Variants in ENTREP1 observed in about 807,000 individuals in gnomAD.
The protein encoded by ENTREP1 is endosomal transmembrane epsin interactor 1.
chr9:69,329,627 A>G, the ENTREP1 span: 1 of 984,966 alleles, frequency 1.0e-6, no homozygotes, highest in Non-Finnish European at 1.2e-6. Context: ...ATCACTCAAT[A>G]TATTATTATT....
the ENTREP1 span, chr9:69,377,377 T>C: frequency 6.2e-7 from 1 of 1,611,234 alleles, no homozygotes; most frequent in Non-Finnish European, 8.5e-7. Flanking sequence ...CAGAAAGTCC[T>C]CTTTGCCCTG....
chr9:69,386,613 C>A, the ENTREP1 span: 2 of 152,168 alleles, frequency 1.3e-5, no homozygotes, highest in African/African-American at 4.8e-5. Context: ...TCCTGTAACT[C>A]CACCAGCACC....
the ENTREP1 span, chr9:69,383,425 A>G: frequency 7.0e-7 from 1 of 1,424,842 alleles, no homozygotes; most frequent in Non-Finnish European, 9.2e-7. Flanking sequence ...GTTGCATTTT[A>G]TACACTGTCA....
the ENTREP1 span, among the ~76,000 whole-genome samples, chr9:69,384,269 A>G: frequency 2.6e-5 from 4 of 152,184 alleles, no homozygotes; most frequent in Non-Finnish European, 5.9e-5. Flanking sequence ...TCTTGGAGCA[A>G]ATAGTTCAAG....
At chr9:69,359,010 A>G in the ENTREP1 span, among the ~76,000 whole-genome samples, 1 of 145,208 alleles carries the variant, frequency 6.9e-6, no homozygotes, top group Non-Finnish European at 1.5e-5. Flanking sequence ...GATTCAAGTG[A>G]TTCTCCTGCC....
the ENTREP1 span, chr9:69,377,456 C>T: frequency 9.9e-6 from 16 of 1,613,648 alleles, no homozygotes; most frequent in African/African-American, 9.3e-5. Flanking sequence ...TCCAGATATT[C>T]GCAACCAGGA....
chr9:69,352,135 G>C, the ENTREP1 span, among the ~76,000 whole-genome samples: 1 of 150,884 alleles, frequency 6.6e-6, no homozygotes, highest in Non-Finnish European at 1.5e-5. Flanking sequence ...TTCTTTTTTT[G>C]AGACAGAGTC....
At chr9:69,384,391 A>G in the ENTREP1 span, among the ~76,000 whole-genome samples, 6 of 152,244 alleles carry the variant, frequency 3.9e-5, no homozygotes, top group South Asian at 2.1e-4. Context: ...GAACCAGACT[A>G]TTCTCAGGAA....
the ENTREP1 span, among the ~76,000 whole-genome samples, chr9:69,340,595 A>ATGCGTGTGTGTG: frequency 1.4e-5 from 2 of 145,584 alleles, no homozygotes; most frequent in African/African-American, 5.0e-5. Context: ...GTATGTGTGC[A>ATGCGTGTGTGTG]TGCATGTGTG....
chr9:69,345,145 A>T, the ENTREP1 span, among the ~76,000 whole-genome samples: 1 of 152,164 alleles, frequency 6.6e-6, no homozygotes, highest in Non-Finnish European at 1.5e-5. Flanking sequence ...TAAGCTCAGC[A>T]TTGGTGGGAA....
the ENTREP1 span, chr9:69,381,051 G>A: frequency 6.6e-6 from 1 of 152,206 alleles, no homozygotes; most frequent in Non-Finnish European, 1.5e-5. Context: ...AGGATTCTCT[G>A]GTCAATGGTG....
chr9:69,356,315 A>T, the ENTREP1 span, among the ~76,000 whole-genome samples: 1 of 152,236 alleles, frequency 6.6e-6, no homozygotes, highest in African/African-American at 2.4e-5. Flanking sequence ...ATGTGTTAGA[A>T]CTTTATTCCT....
chr9:69,388,579 G>C, the ENTREP1 span: 2 of 690,310 alleles, frequency 2.9e-6, no homozygotes, highest in Non-Finnish European at 4.6e-6. Flanking sequence ...ATTGGGTTGA[G>C]AGTTCTGGGG....
chr9:69,386,750 A>G, the ENTREP1 span: 126,289 of 152,224 alleles, frequency 0.83, 52,494 homozygotes, highest in South Asian at 0.89. Context: ...TTGCAGTCTC[A>G]GTTCTGGCTC....
At chr9:69,326,457 C>G in the ENTREP1 span, among the ~76,000 whole-genome samples, 1 of 152,154 alleles carries the variant, frequency 6.6e-6, no homozygotes, top group Non-Finnish European at 1.5e-5. Flanking sequence ...CTAGAGATGT[C>G]TGCTCTACAG....
the ENTREP1 span, among the ~76,000 whole-genome samples, chr9:69,384,504 A>G: frequency 6.6e-6 from 1 of 152,210 alleles, no homozygotes; most frequent in Non-Finnish European, 1.5e-5. Context: ...GTCAGGGGAA[A>G]AAAAGTTTCC....
the ENTREP1 span, among the ~76,000 whole-genome samples, chr9:69,346,367 A>G: frequency 6.6e-6 from 1 of 151,956 alleles, no homozygotes; most frequent in African/African-American, 2.4e-5. Flanking sequence ...TGCCACACGT[A>G]TGTTAACCTG....
chr9:69,346,927 G>A, the ENTREP1 span, among the ~76,000 whole-genome samples: 4 of 152,296 alleles, frequency 2.6e-5, no homozygotes, highest in East Asian at 5.8e-4. Flanking sequence ...ACCTTCTCAT[G>A]GGGAAAAGGG....
the ENTREP1 span, among the ~76,000 whole-genome samples, chr9:69,334,779 T>TC: frequency 7.2e-5 from 10 of 139,742 alleles, no homozygotes; most frequent in South Asian, 1.9e-3. Flanking sequence ...CCTTTTCTTT[T>TC]TTTTTTTTTT....
Sources: gnomAD v4.1 joint callset for allele counts (sites outside exome capture counted in the v4.1 genomes callset) on GRCh38, gnomAD v4.1.1 for gene constraint, MANE v1.5 for transcripts, NCBI Gene and HGNC (gene_info 2026-07-23, HGNC 2026-07-21) for gene names.